The following CDC42BPB variants were observed in gnomAD, a reference collection of about 807,000 sequenced individuals.
The protein encoded by CDC42BPB is CDC42 binding protein kinase beta.
A neutral mutation model predicts 214.9 loss-of-function variants in CDC42BPB; 37 were observed. That is an observed-to-expected ratio of 0.17 (90% CI 0.13 to 0.23). The LOEUF (loss-of-function observed/expected upper bound fraction) is 0.23, where lower values mean the gene tolerates loss of function less well. CDC42BPB is among the 10% of genes least tolerant of loss of function. The probability of loss-of-function intolerance (pLI) is 1.00; values close to 1 mark genes in which losing one functional copy is unlikely to be tolerated. For synonymous variants in CDC42BPB, 931 were observed against 884.0 expected, an observed-to-expected ratio of 1.05 and a Z score of -0.94; for missense variants, 1,694 against 2,227.0, an observed-to-expected ratio of 0.76 and a Z score of 4.82.
intron 21 of CDC42BPB, among the ~76,000 whole-genome samples, chr14:102,957,069 C>T (rs975987932): frequency 8.9e-5 from 13 of 146,706 alleles, no homozygotes; most frequent in African/African-American, 3.0e-4. Context: ...GGCATAGTGG[C>T]GCGTGCCTGT....
Position 102,957,488 on chromosome 14 carries a change from G to A in CDC42BPB, c.2901+2143C>T, listed in dbSNP as rs531383054. 2.0e-4 allele frequency among the ~76,000 whole-genome samples: 30 copies of A among 152,318 alleles called. 1 individual carries two copies. The South Asian group carries it at 6.2e-3, about 32-fold the overall frequency. On this transcript the variant is annotated intron_variant, in intron 21 of 36. Transcript: ENST00000361246. Reference sequence around the variant, plus strand: ...AATCCACTTATTCCTCCCCACAGCAGTGCCCGGCTCCGCAGCAACGAGAGA... The same window carrying A: ...AATCCACTTATTCCTCCCCACAGCAATGCCCGGCTCCGCAGCAACGAGAGA...
intron 4 of CDC42BPB, 92 bp downstream of exon 4, chr14:103,003,836 G>T: frequency 1.0e-6 from 1 of 1,004,850 alleles, no homozygotes; most frequent in Non-Finnish European, 1.5e-6. Context: ...TTAAATGTCA[G>T]TTCCACATTG....
intron 5 of CDC42BPB, among the ~76,000 whole-genome samples, chr14:102,989,227 G>A (rs1361843299): frequency 6.6e-6 from 1 of 152,136 alleles, no homozygotes; most frequent in Non-Finnish European, 1.5e-5. Flanking sequence ...CCATCAGAGG[G>A]CAAAAATACA....
At chr14:102,992,527 G>A (rs1239713679) in intron 5 of CDC42BPB, among the ~76,000 whole-genome samples, 1 of 152,150 alleles carries the variant, frequency 6.6e-6, no homozygotes, top group Non-Finnish European at 1.5e-5. Context: ...CCGCCTCCCA[G>A]CCTGCGCTGA....
chr14:103,042,847 C>T (rs1166811635), intron 1 of CDC42BPB, among the ~76,000 whole-genome samples: 2 of 152,202 alleles, frequency 1.3e-5, no homozygotes, highest in Admixed American at 1.3e-4. Context: ...ATGTAGACCA[C>T]TGTAGAAAAC....
chr14:103,006,156 G>GC (rs1273702662), intron 3 of CDC42BPB, among the ~76,000 whole-genome samples: 4 of 152,064 alleles, frequency 2.6e-5, no homozygotes, highest in African/African-American at 9.7e-5. Context: ...CAACCCCTCT[G>GC]CCAACAGCCA....
Position 102,950,513 on chromosome 14 carries a change from C to G in CDC42BPB, c.3262G>C (p.Val1088Leu), listed in dbSNP as rs780088812. The part of the protein sequence containing the change: ...PPEQSKRPLG[V>L]DVQRGIGTAY... ...GTTCCGATGCCTCGCTGCACGTCCA[C>G]GCCCAGAGGCCTCTTGGACTGCTCG... The change falls in exon 25 of 37, where the codon GTG becomes CTG. Residue 1088 changes from valine to leucine, a missense_variant. Physicochemically the swap from Val to Leu is conservative, Grantham distance 32. Transcript: ENST00000361246. 7 of 1,613,262 alleles carry G rather than the reference C, an allele frequency of 4.3e-6. No homozygotes were observed. The highest frequency in any genetic ancestry group is 5.9e-6 in the Non-Finnish European group (7 of 1,179,940).
At chr14:103,037,961 G>A (rs556976349) in intron 1 of CDC42BPB, among the ~76,000 whole-genome samples, 12 of 151,660 alleles carry the variant, frequency 7.9e-5, no homozygotes, top group Admixed American at 6.6e-5. Context: ...CCCGGGAGAC[G>A]GAGCTTGCAG....
At chr14:103,055,894 AGTCCTAGCCC>A (rs1395692184) in intron 1 of CDC42BPB, among the ~76,000 whole-genome samples, 1 of 152,246 alleles carries the variant, frequency 6.6e-6, no homozygotes, top group Non-Finnish European at 1.5e-5. Flanking sequence ...CGAACTGAAC[AGTCCTAGCCC>A]AGTGACGCAA....
chr14:102,999,988 A>G (rs1894906407), intron 4 of CDC42BPB: 1 of 829,520 alleles, frequency 1.2e-6, no homozygotes, highest in Non-Finnish European at 1.5e-6. Context: ...TTGAGGTTGG[A>G]GAGGGCACTC....
rs962246781 is a variant in CDC42BPB, at chr14:103,027,468, G to T, written c.176-15280C>A. ...TCGTAATAGTCAAAAAGTGAAAACC[G>T]AAATGTCCATCAACTGATAGCTAAA... On this transcript the variant is annotated intron_variant, in intron 1 of 36. Transcript: ENST00000361246. 2.0e-5 allele frequency among the ~76,000 whole-genome samples: 3 copies of T among 152,162 alleles called. No individual in the cohort carries two copies. The South Asian group carries it at 6.2e-4, about 31-fold the overall frequency.
rs36081540 is a variant in CDC42BPB at position 102,967,369 on chromosome 14, C to T, written c.2347-199G>A. The T allele has an allele frequency of 1.7e-4, 172 of 985,376 alleles. 2 individuals are homozygous for T. The East Asian group carries it at 0.011, about 66-fold the overall frequency. The allele number at this position is 985,376 out of a possible 1,614,324, so 61.0% of individuals were successfully genotyped here. On this transcript the variant is annotated intron_variant, in intron 16 of 36. Coordinates refer to ENST00000361246, the MANE Select transcript of CDC42BPB (RefSeq NM_006035.4). ...ATTTCAATTCAAATCTAAACCTAAACTGATGGAGCTGGAGCTAGTGACTTC... is the reference window on the plus strand; with the variant it reads ...ATTTCAATTCAAATCTAAACCTAAATTGATGGAGCTGGAGCTAGTGACTTC...
chr14:102,999,824 T>C (rs1894898378), intron 4 of CDC42BPB, 111 bp from the exon 5 acceptor site: 1 of 1,512,158 alleles, frequency 6.6e-7, no homozygotes, highest in South Asian at 1.3e-5. Flanking sequence ...GTCTGGCTCG[T>C]GGCATCTCAG....
Position 102,944,219 on chromosome 14 carries a change from C to A in CDC42BPB, c.4080G>T (p.Thr1360=). 1 of 1,613,298 alleles carries A rather than the reference C, an allele frequency of 6.2e-7. No individual in the cohort carries two copies. Among genetic ancestry groups the A allele is most frequent in the Middle Eastern group, 1.6e-4 (1 of 6,062 alleles). ...CATTGAACTTTCTGTGGAATGGCTTCGTTCTCTGGATCTCATAGCAAAGGA... is the reference window on the plus strand; with the variant it reads ...CATTGAACTTTCTGTGGAATGGCTTAGTTCTCTGGATCTCATAGCAAAGGA... The part of the protein sequence containing the change: ...RLILCYEIQR[T]KPFHRKFNEI... The change falls in exon 30 of 37, where the codon ACG becomes ACT. Residue 1360 remains threonine (T), a synonymous_variant. Coordinates refer to ENST00000361246, the MANE Select transcript of CDC42BPB (RefSeq NM_006035.4). The surrounding 1 kb of genome is among the most constrained non-coding windows in gnomAD (Gnocchi z 6.6).
chr14:103,053,053 G>T (rs1319665820), intron 1 of CDC42BPB, among the ~76,000 whole-genome samples: 3 of 152,096 alleles, frequency 2.0e-5, no homozygotes, highest in African/African-American at 7.2e-5. Flanking sequence ...ATAGCTTAAA[G>T]AAATATACAT....
At chr14:103,014,049 C>G (rs1452577040) in intron 1 of CDC42BPB, among the ~76,000 whole-genome samples, 2 of 152,044 alleles carry the variant, frequency 1.3e-5, no homozygotes, top group Non-Finnish European at 2.9e-5. Flanking sequence ...GCCTGCGGTC[C>G]CAGTTACTCG....
rs145026599 is a variant in CDC42BPB at position 103,042,840 on chromosome 14, T to C, written c.175+14159A>G. Among the ~76,000 whole-genome samples the C allele has an allele frequency of 9.2e-5, 14 of 152,300 alleles. 1 individual carries two copies. Among genetic ancestry groups the C allele is most frequent in the African/African-American group, 2.9e-4 (12 of 41,570 alleles). On this transcript the variant is annotated intron_variant, in intron 1 of 36. Transcript: ENST00000361246. ...CCCTTGTGGGCTGCTGGTGGGAATG[T>C]AGACCACTGTAGAAAACAACCTGGC...
chr14:103,027,980 A>AT (rs1887144768), intron 1 of CDC42BPB, among the ~76,000 whole-genome samples: 1 of 152,158 alleles, frequency 6.6e-6, no homozygotes, highest in Non-Finnish European at 1.5e-5. Context: ...AAATACAAAA[A>AT]TTAGCCAGGC....
At position 102,972,550 on chromosome 14, in the gene CDC42BPB, G is replaced by A. The variant is rs1189938389; in HGVS notation, c.1642-389C>T. Among the ~76,000 whole-genome samples the A allele has an allele frequency of 3.3e-5, 5 of 151,934 alleles. No individual in the cohort carries two copies. The South Asian group carries it at 1.0e-3, about 32-fold the overall frequency. On this transcript the variant is annotated intron_variant, in intron 12 of 36. Transcript: ENST00000361246. Reference sequence around the variant, plus strand: ...AAAAATACAAAAAAATTAGCTGGGCGTGGTGGTGGGTGCCTGTAGTCCCAG... The same window carrying A: ...AAAAATACAAAAAAATTAGCTGGGCATGGTGGTGGGTGCCTGTAGTCCCAG...
Sources: allele counts gnomAD v4.1 joint callset (sites outside exome capture counted in the v4.1 genomes callset), GRCh38; gene constraint gnomAD v4.1.1; non-coding constraint Gnocchi (gnomAD v3.1); transcripts MANE v1.5; gene names NCBI Gene and HGNC (gene_info 2026-07-23, HGNC 2026-07-21).